SHISA6: variants seen among roughly 807,000 people sequenced by gnomAD.
SHISA6 encodes the protein shisa family member 6, also known as protein shisa-6.
Under a neutral mutation model 47.9 loss-of-function variants are expected in SHISA6, and 22 were observed. The ratio of observed to expected loss-of-function variants is 0.46; its 90% CI spans 0.33 to 0.66. The LOEUF is 0.66. Among genes scored for constraint, SHISA6 ranks in the 30% least tolerant of loss-of-function variants. SHISA6 has a pLI of 0.02. For missense variants in SHISA6, 680 were observed against 764.6 expected (o/e 0.89, Z 1.30); for synonymous variants, 388 against 337.8 (o/e 1.15, Z -1.63).
intron 5 of SHISA6, among the ~76,000 whole-genome samples, chr17:11,556,362 A>G (rs978859603): frequency 3.3e-5 from 5 of 152,056 alleles, no homozygotes; most frequent in African/African-American, 1.2e-4. Context: ...TTCACCTCCC[A>G]TGCATACACC....
intron 2 of SHISA6, among the ~76,000 whole-genome samples, chr17:11,277,478 G>C (rs1299107719): frequency 6.6e-6 from 1 of 152,112 alleles, no homozygotes; most frequent in Non-Finnish European, 1.5e-5. Context: ...TCTATTCACA[G>C]TGCCAGTGCA....
chr17:11,451,008 A>C (rs887047993), intron 3 of SHISA6, among the ~76,000 whole-genome samples: 2 of 151,854 alleles, frequency 1.3e-5, no homozygotes, highest in East Asian at 1.9e-4. Flanking sequence ...AAAAAAAAAA[A>C]AAAAACAGAT....
intron 2 of SHISA6, among the ~76,000 whole-genome samples, chr17:11,350,148 T>C (rs1209751972): frequency 6.7e-6 from 1 of 148,560 alleles, no homozygotes; most frequent in East Asian, 2.0e-4. Flanking sequence ...GGCACCGCCA[T>C]GCCCGGCTAA....
intron 3 of SHISA6, among the ~76,000 whole-genome samples, chr17:11,494,870 C>T (rs2071395166): frequency 1.3e-5 from 2 of 152,138 alleles, no homozygotes; most frequent in Non-Finnish European, 2.9e-5. Context: ...CAGGTTGAAT[C>T]CTGGACCAAT....
At chr17:11,475,158 C>G (rs1916023182) in intron 3 of SHISA6, among the ~76,000 whole-genome samples, 1 of 152,078 alleles carries the variant, frequency 6.6e-6, no homozygotes, top group African/African-American at 2.4e-5. Context: ...TTGTTATAAT[C>G]ACATATTAGT....
intron 2 of SHISA6, among the ~76,000 whole-genome samples, chr17:11,307,432 A>G (rs1341356513): frequency 1.3e-5 from 2 of 152,142 alleles, no homozygotes; most frequent in Non-Finnish European, 2.9e-5. Flanking sequence ...TCCAGTGTCA[A>G]TTCTCCAGCT....
At chr17:11,499,696 TTTTTGTTG>T (rs2071435981) in intron 3 of SHISA6, among the ~76,000 whole-genome samples, 1 of 150,260 alleles carries the variant, frequency 6.7e-6, no homozygotes, top group African/African-American at 2.5e-5. Flanking sequence ...TTTTTTTTTT[TTTTTGTTG>T]TTGTTGTTGT....
chr17:11,411,966 G>A (rs1407828893), intron 3 of SHISA6, among the ~76,000 whole-genome samples: 3 of 152,168 alleles, frequency 2.0e-5, no homozygotes, highest in African/African-American at 4.8e-5. Context: ...AAAAGGCAAG[G>A]TGGTTTTCAT....
chr17:11,363,469 A>C (rs1597477033), intron 2 of SHISA6, among the ~76,000 whole-genome samples: 1 of 152,158 alleles, frequency 6.6e-6, no homozygotes, highest in Non-Finnish European at 1.5e-5. Context: ...TCAGTTTTCT[A>C]CTGAAAGAGT....
intron 3 of SHISA6, among the ~76,000 whole-genome samples, chr17:11,501,562 C>T (rs1300990050): frequency 6.6e-6 from 1 of 152,076 alleles, no homozygotes; most frequent in Non-Finnish European, 1.5e-5. Flanking sequence ...AATCCCATTT[C>T]TAGGAATGGG....
At chr17:11,503,366 A>G (rs189292151) in intron 3 of SHISA6, among the ~76,000 whole-genome samples, 6 of 150,488 alleles carry the variant, frequency 4.0e-5, no homozygotes, top group African/African-American at 1.5e-4. Context: ...GTCATTTGCA[A>G]TCTCTGGATA....
chr17:11,350,176 TTA>T lies in SHISA6; in HGVS notation c.800-29236_800-29235del, dbSNP rs1188119549. On this transcript the variant is annotated intron_variant, in intron 2 of 5. Coordinates refer to ENST00000441885, the MANE Select transcript of SHISA6 (RefSeq NM_207386.4). The stretch of plus-strand genomic sequence containing the variant: ...CCGGCTAATTTATTTATTTATTTAT[TTA>T]TTTATTTTTTTTTTTTTTTGAGACG... Among the ~76,000 whole-genome samples the T allele has an allele frequency of 5.4e-3, 571 of 104,840 alleles. 11 individuals carry two copies. Among genetic ancestry groups the T allele is most frequent in the South Asian group, 0.011 (33 of 3,104 alleles). 68.8% of individuals were successfully genotyped at this position (104,840 alleles called of 152,430 possible).
At chr17:11,488,930 GATGCTGGGGAA>G (rs1214015397) in intron 3 of SHISA6, among the ~76,000 whole-genome samples, 4 of 152,294 alleles carry the variant, frequency 2.6e-5, no homozygotes, top group Admixed American at 6.5e-5. Flanking sequence ...TAAAATGGGA[GATGCTGGGGAA>G]ATGCTGGGGA....
intron 3 of SHISA6, among the ~76,000 whole-genome samples, chr17:11,469,889 T>C (rs1237989705): frequency 6.6e-6 from 1 of 152,204 alleles, no homozygotes; most frequent in Non-Finnish European, 1.5e-5. Context: ...TTCAATGTAA[T>C]TGTATTTGGA....
intron 3 of SHISA6, among the ~76,000 whole-genome samples, chr17:11,522,666 A>T (rs1232360110): frequency 6.6e-6 from 1 of 152,128 alleles, no homozygotes; most frequent in Non-Finnish European, 1.5e-5. Flanking sequence ...AAGGTTCTCT[A>T]TGTTGCCCAG....
intron 2 of SHISA6, among the ~76,000 whole-genome samples, chr17:11,291,220 T>C (rs1909528422): frequency 6.6e-6 from 1 of 151,982 alleles, no homozygotes; most frequent in South Asian, 2.1e-4. Flanking sequence ...GTACCTCCCA[T>C]GCATATAATT....
chr17:11,501,357 C>A (rs1202640007), intron 3 of SHISA6, among the ~76,000 whole-genome samples: 4 of 152,098 alleles, frequency 2.6e-5, no homozygotes, highest in Admixed American at 2.0e-4. Context: ...GGTGATCCAC[C>A]CGCCTCAGCC....
chr17:11,313,562 T>C (rs1597453218), intron 2 of SHISA6, among the ~76,000 whole-genome samples: 1 of 152,264 alleles, frequency 6.6e-6, no homozygotes, highest in Non-Finnish European at 1.5e-5. Context: ...GTGGGAGCTA[T>C]ACATGGAAGC....
intron 2 of SHISA6, among the ~76,000 whole-genome samples, chr17:11,350,131 A>C (rs956725179): frequency 5.3e-5 from 8 of 150,538 alleles, no homozygotes; most frequent in African/African-American, 2.0e-4. Context: ...AGCTGGGATT[A>C]CAGGCAGGCA....
Sources: allele counts gnomAD v4.1 joint callset (sites outside exome capture counted in the v4.1 genomes callset), GRCh38; gene constraint gnomAD v4.1.1; transcripts MANE v1.5; gene names NCBI Gene and HGNC (gene_info 2026-07-23, HGNC 2026-07-21).